The following GPC5 variants were observed in gnomAD, a reference collection of about 807,000 sequenced individuals.
GPC5 encodes the protein glypican-5.
A neutral mutation model predicts 53.9 loss-of-function variants in GPC5; 47 were observed. The observed-to-expected ratio is 0.87, with a 90% CI of 0.69 to 1.11. The LOEUF (loss-of-function observed/expected upper bound fraction) is 1.11. GPC5 is among the 50% of genes most tolerant of loss of function. The probability of loss-of-function intolerance (pLI) is 0.00; values close to 1 mark genes in which losing one functional copy is unlikely to be tolerated. For synonymous variants in GPC5, 286 were observed against 263.3 expected (o/e 1.09, Z -0.84); for missense variants, 748 against 713.1 (o/e 1.05, Z -0.56).
At chr13:91,987,865 TTA>T (rs2040423047) in intron 6 of GPC5, among the ~76,000 whole-genome samples, 1 of 145,688 alleles carries the variant, frequency 6.9e-6, no homozygotes, top group South Asian at 2.1e-4. Flanking sequence ...ATATATTATT[TTA>T]TATTATATAT....
At chr13:92,297,238 C>T (rs1323443239) in intron 7 of GPC5, among the ~76,000 whole-genome samples, 2 of 152,200 alleles carry the variant, frequency 1.3e-5, no homozygotes, top group Non-Finnish European at 2.9e-5. Flanking sequence ...AATCGACACT[C>T]TGTACCTAGC....
At chr13:91,659,236 A>T (rs1419444710) in intron 2 of GPC5, among the ~76,000 whole-genome samples, 1 of 152,220 alleles carries the variant, frequency 6.6e-6, no homozygotes, top group Non-Finnish European at 1.5e-5. Context: ...GAAAAACCAG[A>T]AAATAACAAA....
chr13:92,020,782 T>C (rs1342996916), intron 6 of GPC5, among the ~76,000 whole-genome samples: 1 of 151,992 alleles, frequency 6.6e-6, no homozygotes, highest in East Asian at 1.9e-4. Flanking sequence ...ATTCTGTAGA[T>C]TGCCTTTTCA....
chr13:92,034,189 G>T (rs1323540614), intron 6 of GPC5, among the ~76,000 whole-genome samples: 2 of 152,228 alleles, frequency 1.3e-5, no homozygotes, highest in East Asian at 3.9e-4. Flanking sequence ...ATTTATGGAT[G>T]TATAATAAAA....
intron 7 of GPC5, among the ~76,000 whole-genome samples, chr13:92,512,130 C>G (rs1370953042): frequency 6.6e-6 from 1 of 152,120 alleles, no homozygotes; most frequent in African/African-American, 2.4e-5. Context: ...TGATTTTTGC[C>G]AGTCCAACCC....
chr13:92,311,124 T>A (rs889456270), intron 7 of GPC5, among the ~76,000 whole-genome samples: 1 of 152,208 alleles, frequency 6.6e-6, no homozygotes, highest in Non-Finnish European at 1.5e-5. Flanking sequence ...CAAAAAGTTA[T>A]AAATTCATAA....
intron 7 of GPC5, among the ~76,000 whole-genome samples, chr13:92,609,188 G>C (rs1884354780): frequency 6.6e-6 from 1 of 152,128 alleles, no homozygotes; most frequent in African/African-American, 2.4e-5. Flanking sequence ...ACGAAGGAAT[G>C]TGCCAAATCT....
At chr13:92,285,507 T>C (rs774018083) in intron 7 of GPC5, among the ~76,000 whole-genome samples, 33 of 152,016 alleles carry the variant, frequency 2.2e-4, no homozygotes, top group Non-Finnish European at 4.4e-4. Context: ...AATGCTACAG[T>C]AACCAAAACA....
intron 7 of GPC5, among the ~76,000 whole-genome samples, chr13:92,189,518 C>T (rs1332944039): frequency 1.3e-5 from 2 of 152,152 alleles, no homozygotes; most frequent in East Asian, 3.9e-4. Flanking sequence ...CCCCCTCCAG[C>T]ATGCCACTAC....
rs151336304 is a variant in GPC5, at chr13:92,194,291, G to A, written c.1561+49302G>A. Among the ~76,000 whole-genome samples, 112 of 152,212 alleles carry A rather than the reference G, an allele frequency of 7.4e-4. 1 individual carries two copies. Among genetic ancestry groups the A allele is most frequent in the African/African-American group, 2.4e-3 (101 of 41,526 alleles). ...TGGGATGCAAATAGTGAGTACCTCC[G>A]ACTCCAGAGCAACACTCAGGACATG... On this transcript the variant is annotated intron_variant, in intron 7 of 7. Coordinates refer to ENST00000377067, the MANE Select transcript of GPC5 (RefSeq NM_004466.6).
intron 7 of GPC5, among the ~76,000 whole-genome samples, chr13:92,654,851 G>A (rs375856596): frequency 1.2e-4 from 19 of 152,064 alleles, no homozygotes; most frequent in African/African-American, 3.6e-4. Context: ...ATTTTCAAAT[G>A]TAATAAAGTT....
chr13:91,646,691 T>TA (rs2034565429), intron 2 of GPC5, among the ~76,000 whole-genome samples: 1 of 152,326 alleles, frequency 6.6e-6, no homozygotes, highest in South Asian at 2.1e-4. Context: ...AAAGGTTGAT[T>TA]CTACCTTAAA....
chr13:91,581,498 A>T (rs1043143660), intron 2 of GPC5, among the ~76,000 whole-genome samples: 2 of 152,158 alleles, frequency 1.3e-5, no homozygotes, highest in Non-Finnish European at 2.9e-5. Flanking sequence ...CTTTCATTAT[A>T]TGGCTGGTAC....
chr13:92,803,365 C>T (rs963716009), intron 7 of GPC5, among the ~76,000 whole-genome samples: 4 of 151,978 alleles, frequency 2.6e-5, no homozygotes, highest in South Asian at 2.1e-4. Flanking sequence ...AAAGACAGGG[C>T]CTACTTTCTT....
At chr13:91,418,433 T>G (rs139423984) in intron 1 of GPC5, among the ~76,000 whole-genome samples, 1 of 152,142 alleles carries the variant, frequency 6.6e-6, no homozygotes. Context: ...GATTGTAGAA[T>G]TGACACAAGC....
At chr13:91,941,841 C>T (rs2139046308) in intron 6 of GPC5, among the ~76,000 whole-genome samples, 1 of 152,268 alleles carries the variant, frequency 6.6e-6, no homozygotes, top group South Asian at 2.1e-4. Context: ...CCAAGAACAT[C>T]TCTTTGGTAA....
At chr13:91,575,151 T>TATTCTAGTTCTATCCATCTC (rs2032085202) in intron 2 of GPC5, among the ~76,000 whole-genome samples, 1 of 152,192 alleles carries the variant, frequency 6.6e-6, no homozygotes, top group Non-Finnish European at 1.5e-5. Flanking sequence ...TTTCTGTGTC[T>TATTCTAGTTCTATCCATCTC]ATTCTAGTTC....
chr13:92,843,930 C>T (rs1878515281), intron 7 of GPC5, among the ~76,000 whole-genome samples: 1 of 151,314 alleles, frequency 6.6e-6, no homozygotes, highest in South Asian at 2.1e-4. Context: ...TCATATGTCA[C>T]GATTTACCCA....
At chr13:91,861,421 T>G (rs1383780365) in intron 5 of GPC5, among the ~76,000 whole-genome samples, 1 of 152,150 alleles carries the variant, frequency 6.6e-6, no homozygotes, top group East Asian at 1.9e-4. Flanking sequence ...TTTGGCATAT[T>G]ATTGTCCTCT....
Sources: allele counts gnomAD v4.1 joint callset (sites outside exome capture counted in the v4.1 genomes callset), GRCh38; gene constraint gnomAD v4.1.1; transcripts MANE v1.5; gene names NCBI Gene and HGNC (gene_info 2026-07-23, HGNC 2026-07-21).